The following HDAC1 variants were observed in gnomAD, a reference collection of about 807,000 sequenced individuals.
HDAC1 encodes protein deacetylase HDAC1.
A neutral mutation model predicts 65.5 loss-of-function variants in HDAC1; 18 were observed. The observed-to-expected ratio is 0.27, with a 90% CI of 0.19 to 0.41. The LOEUF is 0.41. Among genes scored for constraint, HDAC1 ranks in the 10% least tolerant of loss-of-function variants. The pLI is 1.00. For missense variants in HDAC1, 373 were observed against 625.2 expected (o/e 0.60, Z 4.30); for synonymous variants, 211 against 227.9 (o/e 0.93, Z 0.67).
At position 32,333,024 on chromosome 1, in the gene HDAC1, G is replaced by T; in HGVS notation, c.1429G>T (p.Glu477Ter). 5.0e-6 allele frequency: 8 copies of T among 1,613,680 alleles called. No individual in the cohort carries two copies. Among genetic ancestry groups the T allele is most frequent in the Non-Finnish European group, 5.9e-6 (7 of 1,179,752 alleles). ...TCTCTGCTCTCTCCACAGGGTCAAG[G>T]AGGAGGTCAAGTTGGCCTGAATGGA... ...EEKPEAKGVK[E>*]EVKLA The change falls in exon 14 of 14, where the codon GAG (glutamate) becomes TAG (stop). Residue 477 changes from glutamate (E) to a stop codon, truncating the protein, a stop_gained. Transcript: ENST00000373548. LOFTEE classifies it high-confidence loss of function.
intron 2 of HDAC1, among the ~76,000 whole-genome samples, chr1:32,312,213 A>T (rs1391261877): frequency 6.6e-6 from 1 of 152,120 alleles, no homozygotes; most frequent in Non-Finnish European, 1.5e-5. Context: ...AAATTAAGTG[A>T]GGATTAAATG....
In HDAC1 at chr1:32,331,840, T is replaced by A; in HGVS notation, c.1219+34T>A. On this transcript the variant is annotated intron_variant, in intron 11 of 13. Transcript: ENST00000373548. The surrounding 1 kb of genome is among the most constrained non-coding windows in gnomAD (Gnocchi z 4.2). ...CAGACCTAGAGCCCTATGCCTTCCATTCAATAGGCAGCTCACACTTCCACC... is the reference window on the plus strand; with the variant it reads ...CAGACCTAGAGCCCTATGCCTTCCAATCAATAGGCAGCTCACACTTCCACC... 6.4e-7 allele frequency: 1 copy of A among 1,569,558 alleles called. No homozygotes were observed. Among genetic ancestry groups the A allele is most frequent in the Non-Finnish European group, 8.7e-7 (1 of 1,156,026 alleles).
At position 32,329,112 on chromosome 1, in the gene HDAC1, G is replaced by C; in HGVS notation, c.681G>C (p.Pro227=). 3.1e-6 allele frequency: 5 copies of C among 1,613,146 alleles called. No individual in the cohort carries two copies. Among genetic ancestry groups the C allele is most frequent in the Non-Finnish European group, 4.2e-6 (5 of 1,179,186 alleles). Residue 227 remains proline (P), a synonymous_variant, in exon 7 of 14, where the codon CCG becomes CCC. Transcript: ENST00000373548. This position sits in a 1 kb window ranked among gnomAD's most constrained non-coding sequence, Gnocchi z 4.1. ...GKGKYYAVNY[P]LRDGIDDESY... is the part of the protein sequence containing the mutation. ...GCAAGTATTATGCTGTTAACTACCC[G>C]CTCCGAGACGGGATTGATGACGAGT...
At chr1:32,293,184 G>T (rs987394412) in intron 1 of HDAC1, among the ~76,000 whole-genome samples, 1 of 151,792 alleles carries the variant, frequency 6.6e-6, no homozygotes, top group Non-Finnish European at 1.5e-5. Flanking sequence ...GCCGCGCATG[G>T]TGGTGTGCGC....
chr1:32,296,443 C>T (rs1001389376), intron 1 of HDAC1, among the ~76,000 whole-genome samples: 43 of 152,180 alleles, frequency 2.8e-4, no homozygotes, highest in African/African-American at 1.0e-3. Context: ...TGGCTCACTA[C>T]CACCTCTGCC....
chr1:32,323,676 G>T (rs1240523317), intron 3 of HDAC1, among the ~76,000 whole-genome samples: 1 of 152,132 alleles, frequency 6.6e-6, no homozygotes, highest in Non-Finnish European at 1.5e-5. Context: ...GGGATTACAG[G>T]TGTGAGCCAC....
intron 12 of HDAC1, 30 bp downstream of exon 12, chr1:32,332,272 C>CT: frequency 6.3e-7 from 1 of 1,594,064 alleles, no homozygotes; most frequent in Non-Finnish European, 8.5e-7. Flanking sequence ...GGACTTGGGT[C>CT]TCGAGCCTGA....
intron 3 of HDAC1, among the ~76,000 whole-genome samples, chr1:32,320,589 T>C (rs938413163): frequency 6.6e-6 from 1 of 152,010 alleles, no homozygotes; most frequent in Non-Finnish European, 1.5e-5. Flanking sequence ...TTAAAAAATA[T>C]AGTGTATATA....
Position 32,316,678 on chromosome 1 carries a change from C to A in HDAC1, c.176C>A (p.Ala59Asp), listed in dbSNP as rs767396990. The change falls in exon 3 of 14, where the codon GCC becomes GAC. Residue 59 changes from alanine to aspartate, a missense_variant. Physicochemically the swap from Ala to Asp is moderately radical, Grantham distance 126. Coordinates refer to ENST00000373548, the MANE Select transcript of HDAC1 (RefSeq NM_004964.3). ...RKMEIYRPHK[A>D]NAEEMTKYHS... ...TCTGCCCTCTAGCGCCCTCACAAAG[C>A]CAATGCTGAGGAGATGACCAAGTAC... 1 of 1,611,730 alleles carries A rather than the reference C, an allele frequency of 6.2e-7. No individual in the cohort carries two copies. The highest frequency in any genetic ancestry group is 1.1e-5 in the South Asian group (1 of 91,036).
At chr1:32,312,122 G>A (rs143491631) in intron 2 of HDAC1, among the ~76,000 whole-genome samples, 3 of 151,742 alleles carry the variant, frequency 2.0e-5, no homozygotes, top group South Asian at 2.1e-4. Flanking sequence ...CTGGGACTAC[G>A]GTGCATGCCA....
chr1:32,294,676 G>T (rs1203007304), intron 1 of HDAC1, among the ~76,000 whole-genome samples: 1 of 151,738 alleles, frequency 6.6e-6, no homozygotes, highest in Non-Finnish European at 1.5e-5. Flanking sequence ...CACCACACTG[G>T]GCTGATTTTT....
At chr1:32,305,950 T>C (rs1159861884) in intron 2 of HDAC1, among the ~76,000 whole-genome samples, 1 of 152,138 alleles carries the variant, frequency 6.6e-6, no homozygotes, top group Non-Finnish European at 1.5e-5. Context: ...TATTCATTCA[T>C]TGCATATATA....
At chr1:32,316,084 CA>C (rs1236584796) in intron 2 of HDAC1, among the ~76,000 whole-genome samples, 3 of 151,976 alleles carry the variant, frequency 2.0e-5, no homozygotes, top group Non-Finnish European at 4.4e-5. Flanking sequence ...AGATCAAGAC[CA>C]TCCTAGCTAA....
Position 32,331,844 on chromosome 1 carries a change from A to G in HDAC1, c.1219+38A>G, listed in dbSNP as rs754533382. The G allele has an allele frequency of 1.9e-6, 3 of 1,566,134 alleles. No homozygotes were observed. The highest frequency in any genetic ancestry group is 2.6e-6 in the Non-Finnish European group (3 of 1,154,150). On this transcript the variant is annotated intron_variant, in intron 11 of 13. Coordinates refer to ENST00000373548, the MANE Select transcript of HDAC1 (RefSeq NM_004964.3). This position sits in a 1 kb window ranked among gnomAD's most constrained non-coding sequence, Gnocchi z 4.2. ...CCTAGAGCCCTATGCCTTCCATTCA[A>G]TAGGCAGCTCACACTTCCACCACCA...
intron 13 of HDAC1, 31 bp from the exon 14 acceptor site, chr1:32,332,986 C>A (rs1423784238): frequency 6.2e-6 from 10 of 1,612,262 alleles, no homozygotes; most frequent in Non-Finnish European, 7.6e-6. Context: ...TGGGCTGGGT[C>A]ATCTCATGCC....
chr1:32,322,031 G>C (rs1357567581), intron 3 of HDAC1, among the ~76,000 whole-genome samples: 1 of 152,166 alleles, frequency 6.6e-6, no homozygotes, highest in Non-Finnish European at 1.5e-5. Flanking sequence ...TCCAAGTTTA[G>C]TGCAGAACCA....
chr1:32,332,227 C>A lies in HDAC1; in HGVS notation c.1357C>A (p.Pro453Thr), dbSNP rs1641302707. 2 of 1,611,424 alleles carry A rather than the reference C, an allele frequency of 1.2e-6. No homozygotes were observed. Among genetic ancestry groups the A allele is most frequent in the Non-Finnish European group, 1.7e-6 (2 of 1,178,964 alleles). Residue 453 changes from proline to threonine, a missense_variant, in exon 12 of 14, where the codon CCA becomes ACA. By Grantham distance (38) the Pro-to-Thr change is conservative. Around this residue, in one of 4 missense-constraint regions of HDAC1, gnomAD observed 126 missense variants for 126.2 expected, o/e 1.00. Coordinates refer to ENST00000373548, the MANE Select transcript of HDAC1 (RefSeq NM_004964.3). ...AACAGAGGATGAAAAAGAGAAAGAC[C>A]CAGAGGAGAAGAAAGGTGGGTTTGG... ...VKTEDEKEKDPEEKKEVTEEE... is the reference protein window; with the variant it reads ...VKTEDEKEKDTEEKKEVTEEE...
intron 1 of HDAC1, among the ~76,000 whole-genome samples, chr1:32,292,945 G>A (rs928938093): frequency 1.3e-5 from 2 of 152,164 alleles, no homozygotes; most frequent in East Asian, 3.9e-4. Context: ...AGGACCTGAA[G>A]AACAGGAGTT....
At chr1:32,324,655 A>G (rs1215916723) in intron 4 of HDAC1, 102 bp downstream of exon 4, 2 of 818,864 alleles carry the variant, frequency 2.4e-6, no homozygotes, top group East Asian at 2.4e-5. Flanking sequence ...ACCATGTAGA[A>G]TGGTCCTGTG....
Sources: allele counts gnomAD v4.1 joint callset (sites outside exome capture counted in the v4.1 genomes callset), GRCh38; gene constraint gnomAD v4.1.1; regional missense constraint gnomAD v4.1.1; non-coding constraint Gnocchi (gnomAD v3.1); transcripts MANE v1.5; gene names NCBI Gene and HGNC (gene_info 2026-07-23, HGNC 2026-07-21).